ZNF433: variants seen among roughly 807,000 people sequenced by gnomAD.
ZNF433 encodes the protein zinc finger protein 433.
ZNF433 carries 12 observed loss-of-function variants against 10.6 expected under a neutral mutation model. The observed-to-expected ratio is 1.13, with a 90% CI of 0.72 to 1.83. The LOEUF (loss-of-function observed/expected upper bound fraction) is 1.83, where lower values mean the gene tolerates loss of function less well. Among genes scored for constraint, ZNF433 ranks in the 40% most tolerant of loss-of-function variants. The probability of loss-of-function intolerance (pLI) is 0.00; values close to 1 mark genes in which losing one functional copy is unlikely to be tolerated. For synonymous variants in ZNF433, 272 were observed against 271.3 expected (o/e 1.00, Z -0.02); for missense variants, 737 against 798.0 (o/e 0.92, Z 0.92).
chr19:12,030,081 CAAAAAAAAAA>C (rs74180055), intron 1 of ZNF433: 128 of 205,034 alleles, frequency 6.2e-4, no homozygotes, highest in Non-Finnish European at 8.4e-4. Context: ...GACTCCATCT[CAAAAAAAAAA>C]AAAAAAAAAA....
chr19:12,033,793 G>C (rs1975147556), intron 1 of ZNF433, among the ~76,000 whole-genome samples: 3 of 152,142 alleles, frequency 2.0e-5, no homozygotes, highest in African/African-American at 7.2e-5. Context: ...CTGCACTCCA[G>C]CCTGGGTGAC....
intron 1 of ZNF433, chr19:12,023,216 G>A (rs186190671): frequency 6.6e-5 from 10 of 152,364 alleles, no homozygotes; most frequent in African/African-American, 2.2e-4. Context: ...CAAAAGCTGT[G>A]AGTCTTCTGC....
In ZNF433 at chr19:12,014,771, A is replaced by T; in HGVS notation, c.*74T>A. ...TATTTAATTTTTATAACAGAGTCTC[A>T]CTATGTTGCCCAGGCTGGTCTTGAA... On this transcript the variant is annotated 3_prime_UTR_variant, in exon 4 of 4. Coordinates refer to ENST00000550507, the MANE Select transcript of ZNF433 (RefSeq NM_001308348.2). The T allele has an allele frequency of 1.8e-6, 2 of 1,086,806 alleles. No individual in the cohort carries two copies. The highest frequency in any genetic ancestry group is 2.6e-6 in the Non-Finnish European group (2 of 776,084). The allele number at this position is 1,086,806 out of a possible 1,614,324, so 67.3% of individuals were successfully genotyped here. A position where few individuals can be genotyped will look rare whatever the true frequency, so the allele number is the denominator to read the frequency against.
rs1965084449 is a variant in ZNF433 at position 12,017,892 on chromosome 19, G to T, written c.175C>A (p.Leu59Ile). ...PQNIYVEYEN[L>I]RRNLRIVGER... Reference sequence around the variant, plus strand: ...GCAAGTTACCTTAGGTTTCTCCTTAGATTTTCGTACTCTACATATATGTTC... The same window carrying T: ...GCAAGTTACCTTAGGTTTCTCCTTATATTTTCGTACTCTACATATATGTTC... The change falls in exon 3 of 4, where the codon CTA becomes ATA. Residue 59 changes from leucine (L) to isoleucine (I), a missense_variant. Coordinates refer to ENST00000550507, the MANE Select transcript of ZNF433 (RefSeq NM_001308348.2). The T allele has an allele frequency of 1.3e-6, 2 of 1,589,558 alleles. No homozygotes were observed. The highest frequency in any genetic ancestry group is 8.5e-7 in the Non-Finnish European group (1 of 1,172,916).
At chr19:12,024,288 C>T (rs949050227) in intron 1 of ZNF433, 4 of 152,190 alleles carry the variant, frequency 2.6e-5, no homozygotes, top group African/African-American at 9.6e-5. Context: ...AAAAATTGGC[C>T]TTTAATTGTC....
intron 2 of ZNF433, 41 bp from the exon 3 acceptor site, chr19:12,017,977 A>ATGT: frequency 7.0e-7 from 1 of 1,437,950 alleles, no homozygotes; most frequent in Non-Finnish European, 9.4e-7. Context: ...AATTAGTATA[A>ATGT]AATTATTAAA....
intron 1 of ZNF433, among the ~76,000 whole-genome samples, chr19:12,020,814 G>T (rs1974451502): frequency 6.6e-6 from 1 of 151,300 alleles, no homozygotes; most frequent in African/African-American, 2.4e-5. Flanking sequence ...TGAGGCAGGA[G>T]AATCGCTTGA....
chr19:12,031,310 AC>A lies in ZNF433; in HGVS notation c.3+4226del, dbSNP rs1218005270. On this transcript the variant is annotated intron_variant, in intron 1 of 3. Transcript: ENST00000550507. ...ACTCCATCTCAAAAAAAAAAAAAAA[AC>A]AAAACAAAAAAAAAAACAAAGCAGC... Among the ~76,000 whole-genome samples the A allele has an allele frequency of 6.7e-4, 86 of 128,834 alleles. 2 individuals are homozygous for A. Among genetic ancestry groups the A allele is most frequent in the Middle Eastern group, 3.6e-3 (1 of 280 alleles). The allele number at this position is 128,834 out of a possible 152,430, so 84.5% of individuals were successfully genotyped here.
intron 1 of ZNF433, among the ~76,000 whole-genome samples, chr19:12,031,798 ATTGC>A (rs1975041505): frequency 1.3e-5 from 2 of 149,952 alleles, no homozygotes; most frequent in African/African-American, 4.9e-5. Flanking sequence ...GCTCACGATG[ATTGC>A]TTGAGCCCAG....
At chr19:12,021,716 C>G (rs1265406704) in intron 1 of ZNF433, among the ~76,000 whole-genome samples, 1 of 152,076 alleles carries the variant, frequency 6.6e-6, no homozygotes, top group African/African-American at 2.4e-5. Context: ...GGGACTTAGA[C>G]TGGAGACTCT....
intron 1 of ZNF433, among the ~76,000 whole-genome samples, chr19:12,022,726 A>G (rs1246436820): frequency 6.6e-6 from 1 of 152,174 alleles, no homozygotes; most frequent in Non-Finnish European, 1.5e-5. Flanking sequence ...AGGAGGAAGG[A>G]AAGTAACAGA....
At chr19:12,026,518 T>C (rs1021606690) in intron 1 of ZNF433, 5 of 355,728 alleles carry the variant, frequency 1.4e-5, no homozygotes, top group Admixed American at 7.7e-5. Context: ...ATTACACTTA[T>C]TGGGCATATT....
In ZNF433 at chr19:12,015,367, G is replaced by A. The variant is rs1974117798; in HGVS notation, c.1491C>T (p.His497=). Reference sequence around the variant, plus strand: ...TGCATTCATAGGTTTTTCCTCCAGTGTGAGTCCTTTCATGTCTATGAAATA... The same window carrying A: ...TGCATTCATAGGTTTTTCCTCCAGTATGAGTCCTTTCATGTCTATGAAATA... ...PSLFHRHERT[H]TGGKTYECKQ... is the part of the protein sequence containing the mutation. The change falls in exon 4 of 4, where the codon CAC becomes CAT. Residue 497 remains histidine (H), a synonymous_variant. Coordinates refer to ENST00000550507, the MANE Select transcript of ZNF433 (RefSeq NM_001308348.2). 4 of 1,614,194 alleles carry A rather than the reference G, an allele frequency of 2.5e-6. No homozygotes were observed. In the East Asian group the frequency reaches 8.9e-5, roughly 36 times the overall value.
chr19:12,026,574 A>C (rs1215312970), intron 1 of ZNF433: 1 of 400,958 alleles, frequency 2.5e-6, no homozygotes, highest in Non-Finnish European at 5.0e-6. Context: ...TCACTCTATG[A>C]CACAGTTACA....
In ZNF433 at chr19:12,015,656, T is replaced by C; in HGVS notation, c.1202A>G (p.Asn401Ser). ...ATGATATCGGAAGGAACTGGAAGAA[T>C]TAAAGGCTTTACCACATTGGTTGCA... ...YKCNQCGKAF[N>S]SSSSFRYHER... Residue 401 changes from asparagine (N) to serine (S), a missense_variant, in exon 4 of 4, where the codon AAT (asparagine) becomes AGT (serine). Transcript: ENST00000550507. 6.2e-7 allele frequency: 1 copy of C among 1,612,514 alleles called. No homozygotes were observed. Among genetic ancestry groups the C allele is most frequent in the Non-Finnish European group, 8.5e-7 (1 of 1,179,466 alleles).
intron 1 of ZNF433, chr19:12,025,367 C>T (rs1397726582): frequency 6.6e-6 from 1 of 152,248 alleles, no homozygotes; most frequent in African/African-American, 2.4e-5. Context: ...ACATCACTCA[C>T]ACTAGGGCTC....
At chr19:12,035,402 G>T in intron 1 of ZNF433, 135 bp downstream of exon 1, 1 of 1,288,438 alleles carries the variant, frequency 7.8e-7, no homozygotes, top group Non-Finnish European at 1.1e-6. Flanking sequence ...GGGACCAAGG[G>T]CCGAGCTGTC....
intron 2 of ZNF433, 32 bp from the exon 3 acceptor site, chr19:12,017,968 ATTAGTAT>A: frequency 6.7e-7 from 1 of 1,483,318 alleles, no homozygotes; most frequent in Non-Finnish European, 9.2e-7. Context: ...ATAATCTTGA[ATTAGTAT>A]AAAATTATTA....
chr19:12,017,592 T>C (rs369147932), intron 3 of ZNF433, among the ~76,000 whole-genome samples: 1 of 152,132 alleles, frequency 6.6e-6, no homozygotes, highest in South Asian at 2.1e-4. Context: ...TCTCACACTC[T>C]TGCCCAGGCT....
Sources: gnomAD v4.1 joint callset for allele counts (sites outside exome capture counted in the v4.1 genomes callset) on GRCh38, gnomAD v4.1.1 for gene constraint, MANE v1.5 for transcripts, NCBI Gene and HGNC (gene_info 2026-07-23, HGNC 2026-07-21) for gene names.